GSR: variants seen among roughly 807,000 people sequenced by gnomAD.
GSR encodes glutathione reductase, mitochondrial.
GSR carries 48 observed loss-of-function variants against 56.5 expected under a neutral mutation model. That is an observed-to-expected ratio of 0.85 (90% CI 0.67 to 1.08). The LOEUF (loss-of-function observed/expected upper bound fraction) is 1.08, where lower values mean the gene tolerates loss of function less well. Ranked by LOEUF, GSR falls within the 50% of genes least tolerant of loss-of-function variation. GSR has a pLI of 0.00. For missense variants in GSR, 694 were observed against 703.3 expected (o/e 0.99, Z 0.15); for synonymous variants, 264 against 270.8 (o/e 0.97, Z 0.25).
At chr8:30,700,183 T>C (rs753286474) in intron 5 of GSR, 48 bp from the exon 6 acceptor site, 2 of 1,288,614 alleles carry the variant, frequency 1.6e-6, no homozygotes, top group South Asian at 2.4e-5. Context: ...CTCTTTCTCT[T>C]GCAAAGTAAT....
intron 1 of GSR, among the ~76,000 whole-genome samples, chr8:30,717,263 A>AACAAACAC (rs1054224283): frequency 2.6e-5 from 4 of 151,514 alleles, no homozygotes; most frequent in South Asian, 4.2e-4. Context: ...CAAACAAACA[A>AACAAACAC]ACACATTAGA....
At chr8:30,722,101 A>T (rs745714992) in intron 1 of GSR, among the ~76,000 whole-genome samples, 1 of 152,214 alleles carries the variant, frequency 6.6e-6, no homozygotes, top group Non-Finnish European at 1.5e-5. Context: ...GAGGCAGTCT[A>T]TCTTTTCCTA....
intron 2 of GSR, among the ~76,000 whole-genome samples, chr8:30,710,223 G>GA (rs965651241): frequency 1.3e-5 from 2 of 151,960 alleles, no homozygotes; most frequent in Non-Finnish European, 2.9e-5. Flanking sequence ...AGCTGAGGCA[G>GA]GAGAATTGCT....
At chr8:30,718,796 C>T (rs1395984474) in intron 1 of GSR, among the ~76,000 whole-genome samples, 1 of 152,112 alleles carries the variant, frequency 6.6e-6, no homozygotes, top group Non-Finnish European at 1.5e-5. Context: ...GTCGCCCAGA[C>T]TGGAGTGTGC....
At chr8:30,694,010 A>T (rs1270381583) in intron 7 of GSR, among the ~76,000 whole-genome samples, 1 of 152,176 alleles carries the variant, frequency 6.6e-6, no homozygotes, top group African/African-American at 2.4e-5. Context: ...ACTTATCTAT[A>T]TATAAATTCA....
chr8:30,707,474 C>A lies in GSR; in HGVS notation c.492+598G>T, dbSNP rs560458690. 4.6e-5 allele frequency among the ~76,000 whole-genome samples: 7 copies of A among 152,204 alleles called. 1 individual carries two copies. In the South Asian group the frequency reaches 1.5e-3, roughly 32 times the overall value. On this transcript the variant is annotated intron_variant, in intron 4 of 12. Coordinates refer to ENST00000221130, the MANE Select transcript of GSR (RefSeq NM_000637.5). ...GCAGGAGTTTAAAGACCAGCCTAGGCAACACAGTGAGAAATCTCTACAAAA... is the reference window on the plus strand; with the variant it reads ...GCAGGAGTTTAAAGACCAGCCTAGGAAACACAGTGAGAAATCTCTACAAAA...
rs1170489975 is a variant in GSR, at chr8:30,680,397, T to G, written c.1419+507A>C. Among the ~76,000 whole-genome samples, 109 of 146,998 alleles carry G rather than the reference T, an allele frequency of 7.4e-4. 3 individuals carry two copies. Among genetic ancestry groups the G allele is most frequent in the African/African-American group, 2.4e-3 (95 of 39,784 alleles). On this transcript the variant is annotated intron_variant, in intron 12 of 12. Transcript: ENST00000221130. ...GCCTCTCCTGTTTTTTTTTTTTTTTTTTTTTTTTTTGCTTTGAGATGGAGT... is the reference window on the plus strand; with the variant it reads ...GCCTCTCCTGTTTTTTTTTTTTTTTGTTTTTTTTTTGCTTTGAGATGGAGT...
chr8:30,692,495 C>CTTTTTTTTTTT (rs71206280), intron 8 of GSR, among the ~76,000 whole-genome samples: 1 of 59,062 alleles, frequency 1.7e-5, no homozygotes. Context: ...CACACCCAGA[C>CTTTTTTTTTTT]TTTTTTTTTT....
In GSR at chr8:30,679,708, T is replaced by C. The variant is rs2128735973; in HGVS notation, c.1420-39A>G. ...AGAAACATTTTCTTTTCTTTCTTCT[T>C]TTTTTTTTTTTTTTGAGACGGAGTT... On this transcript the variant is annotated intron_variant, in intron 12 of 12. Transcript: ENST00000221130. 8 of 324,164 alleles carry C rather than the reference T, an allele frequency of 2.5e-5. No homozygotes were observed. The East Asian group carries it at 1.6e-3, about 65-fold the overall frequency. 20.1% of individuals were successfully genotyped at this position (324,164 alleles called of 1,614,324 possible).
intron 8 of GSR, among the ~76,000 whole-genome samples, chr8:30,690,202 G>A (rs1275567196): frequency 1.3e-5 from 2 of 149,966 alleles, no homozygotes; most frequent in African/African-American, 2.5e-5. Context: ...TTAAGAGACA[G>A]GGTCTTGCTC....
At position 30,680,392 on chromosome 8, in the gene GSR, T is replaced by G. The variant is rs1343745295; in HGVS notation, c.1419+512A>C. On this transcript the variant is annotated intron_variant, in intron 12 of 12. Transcript: ENST00000221130. Reference sequence around the variant, plus strand: ...CCCTGGCCTCTCCTGTTTTTTTTTTTTTTTTTTTTTTTTTTGCTTTGAGAT... The same window carrying G: ...CCCTGGCCTCTCCTGTTTTTTTTTTGTTTTTTTTTTTTTTTGCTTTGAGAT... 1.2e-3 allele frequency among the ~76,000 whole-genome samples: 182 copies of G among 146,040 alleles called. 11 individuals are homozygous for G. The Middle Eastern group carries it at 0.028, about 22-fold the overall frequency.
At chr8:30,691,818 G>C (rs969522625) in intron 8 of GSR, among the ~76,000 whole-genome samples, 5 of 151,944 alleles carry the variant, frequency 3.3e-5, no homozygotes, top group Non-Finnish European at 7.4e-5. Flanking sequence ...AAAATCAGGG[G>C]CCGGGTGTGG....
chr8:30,693,772 G>A (rs955186362), intron 7 of GSR, among the ~76,000 whole-genome samples: 3 of 152,078 alleles, frequency 2.0e-5, no homozygotes, highest in South Asian at 2.1e-4. Flanking sequence ...CAGGTGATCC[G>A]CCCACCTAGG....
chr8:30,705,319 G>C (rs192750193), intron 4 of GSR, among the ~76,000 whole-genome samples: 12 of 152,052 alleles, frequency 7.9e-5, no homozygotes, highest in Admixed American at 7.2e-4. Context: ...CTGGAGTGCA[G>C]TGGTGTGATC....
chr8:30,723,588 C>T lies in GSR; in HGVS notation c.306+3942G>A, dbSNP rs140195533. On this transcript the variant is annotated intron_variant, in intron 1 of 12. Transcript: ENST00000221130. Reference sequence around the variant, plus strand: ...GGTGGATCACTTTAGGTCAGGAGTTCGGGATCAGCCTGGCCAACATGGTGA... The same window carrying T: ...GGTGGATCACTTTAGGTCAGGAGTTTGGGATCAGCCTGGCCAACATGGTGA... Among the ~76,000 whole-genome samples the T allele has an allele frequency of 3.5e-4, 53 of 152,132 alleles. No individual in the cohort carries two copies. The East Asian group carries it at 7.0e-3, about 20-fold the overall frequency.
Position 30,682,076 on chromosome 8 carries a change from TA to T in GSR, c.1154-16del. On this transcript the variant is annotated splice_polypyrimidine_tract_variant and intron_variant, in intron 10 of 12. Coordinates refer to ENST00000221130, the MANE Select transcript of GSR (RefSeq NM_000637.5). ...AGCTATTGCAACTATGGAGATATTT[TA>T]AAATCAGTGTTTATCTTACTGTCTG... 6.2e-7 allele frequency: 1 copy of T among 1,609,362 alleles called. No homozygotes were observed. Among genetic ancestry groups the T allele is most frequent in the Non-Finnish European group, 8.5e-7 (1 of 1,175,720 alleles).
chr8:30,696,275 C>A, intron 7 of GSR, 105 bp downstream of exon 7: 1 of 839,704 alleles, frequency 1.2e-6, no homozygotes, highest in Non-Finnish European at 2.1e-6. Context: ...ACCAAATGAC[C>A]CCCACACCTG....
chr8:30,722,772 C>A (rs1208873397), intron 1 of GSR, among the ~76,000 whole-genome samples: 2 of 148,758 alleles, frequency 1.3e-5, no homozygotes, highest in East Asian at 3.9e-4. Context: ...CAGTGTTCAG[C>A]TTTACCAGGG....
intron 3 of GSR, among the ~76,000 whole-genome samples, chr8:30,708,699 G>A (rs1804000622): frequency 1.3e-5 from 2 of 152,138 alleles, no homozygotes; most frequent in South Asian, 4.1e-4. Flanking sequence ...GCTCACGCCT[G>A]TAATCCCAGC....
Sources: allele counts gnomAD v4.1 joint callset (sites outside exome capture counted in the v4.1 genomes callset), GRCh38; gene constraint gnomAD v4.1.1; transcripts MANE v1.5; gene names NCBI Gene and HGNC (gene_info 2026-07-23, HGNC 2026-07-21).